Variants in CNTNAP2 observed in about 807,000 individuals in gnomAD.
The protein encoded by CNTNAP2 is contactin associated protein 2.
A neutral mutation model predicts 155.2 loss-of-function variants in CNTNAP2; 98 were observed. The ratio of observed to expected loss-of-function variants is 0.63; its 90% CI spans 0.54 to 0.75. The LOEUF (loss-of-function observed/expected upper bound fraction) is 0.75, where lower values mean the gene tolerates loss of function less well. CNTNAP2 is among the 30% of genes least tolerant of loss of function. CNTNAP2 has a pLI of 0.00. For synonymous variants in CNTNAP2, 651 were observed against 631.2 expected, an observed-to-expected ratio of 1.03 and a Z score of -0.47; for missense variants, 1,727 against 1,688.1, an observed-to-expected ratio of 1.02 and a Z score of -0.40.
intron 8 of CNTNAP2, among the ~76,000 whole-genome samples, chr7:147,243,519 T>G (rs1325625965): frequency 2.0e-5 from 3 of 152,244 alleles, no homozygotes; most frequent in African/African-American, 7.2e-5. Context: ...TCACACAGCT[T>G]TTTATAATTA....
chr7:147,980,700 G>A (rs1160102349), intron 15 of CNTNAP2, among the ~76,000 whole-genome samples: 4 of 151,614 alleles, frequency 2.6e-5, no homozygotes, highest in South Asian at 2.1e-4. Flanking sequence ...CGAGGCGGGC[G>A]GATCACGAGG....
intron 3 of CNTNAP2, among the ~76,000 whole-genome samples, chr7:147,023,543 C>T (rs62483988): frequency 0.48 from 72,619 of 151,898 alleles, 17,743 homozygotes; most frequent in South Asian, 0.57. Context: ...ACCACAAGGA[C>T]CTCTCCTGTT....
intron 12 of CNTNAP2, among the ~76,000 whole-genome samples, chr7:147,575,771 AGT>A (rs1016460019): frequency 5.4e-4 from 82 of 152,108 alleles, no homozygotes; most frequent in Middle Eastern, 3.4e-3. Flanking sequence ...TTGGTTAAGG[AGT>A]GTCATAATTC....
intron 11 of CNTNAP2, among the ~76,000 whole-genome samples, chr7:147,512,755 G>T (rs1799044201): frequency 6.6e-6 from 1 of 152,054 alleles, no homozygotes; most frequent in South Asian, 2.1e-4. Context: ...TCCATTTTTA[G>T]AATTGTATAG....
intron 1 of CNTNAP2, among the ~76,000 whole-genome samples, chr7:146,200,137 G>A (rs887164325): frequency 6.6e-6 from 1 of 152,128 alleles, no homozygotes; most frequent in Non-Finnish European, 1.5e-5. Context: ...TATAGGTAGA[G>A]CCAGGTGCTT....
chr7:146,143,344 G>A (rs1306604849), intron 1 of CNTNAP2, among the ~76,000 whole-genome samples: 2 of 152,118 alleles, frequency 1.3e-5, no homozygotes, highest in East Asian at 3.8e-4. Flanking sequence ...ATTGGACTTT[G>A]TTAATGATAT....
chr7:146,419,520 TC>T (rs1217804468), intron 1 of CNTNAP2, among the ~76,000 whole-genome samples: 3 of 152,138 alleles, frequency 2.0e-5, no homozygotes, highest in Non-Finnish European at 4.4e-5. Flanking sequence ...CCATTTTAAT[TC>T]CAATTATTAT....
At chr7:146,695,081 C>G (rs1488415801) in intron 1 of CNTNAP2, among the ~76,000 whole-genome samples, 1 of 152,078 alleles carries the variant, frequency 6.6e-6, no homozygotes, top group Non-Finnish European at 1.5e-5. Flanking sequence ...AATTGATTTC[C>G]TTTTCTAATT....
intron 13 of CNTNAP2, among the ~76,000 whole-genome samples, chr7:147,682,549 C>T (rs1462547745): frequency 6.6e-6 from 1 of 151,854 alleles, no homozygotes; most frequent in African/African-American, 2.4e-5. Flanking sequence ...TATAAGCTAT[C>T]AGCCACACCA....
At chr7:146,123,222 C>T (rs58210384) in intron 1 of CNTNAP2, among the ~76,000 whole-genome samples, 1 of 152,112 alleles carries the variant, frequency 6.6e-6, no homozygotes, top group African/African-American at 2.4e-5. Flanking sequence ...CTGTATTTAC[C>T]TTGTGATTTA....
chr7:147,608,928 C>T (rs1051355005), intron 12 of CNTNAP2, among the ~76,000 whole-genome samples: 2 of 151,928 alleles, frequency 1.3e-5, no homozygotes, highest in East Asian at 1.9e-4. Context: ...GGTGCTCAGT[C>T]GGGGAGCTTC....
At chr7:147,440,200 G>A (rs1797614187) in intron 10 of CNTNAP2, among the ~76,000 whole-genome samples, 1 of 151,534 alleles carries the variant, frequency 6.6e-6, no homozygotes, top group South Asian at 2.1e-4. Flanking sequence ...ATATAATTTA[G>A]TTTCTTGTTT....
At chr7:147,558,821 C>T (rs966524075) in intron 11 of CNTNAP2, among the ~76,000 whole-genome samples, 1 of 152,026 alleles carries the variant, frequency 6.6e-6, no homozygotes, top group African/African-American at 2.4e-5. Flanking sequence ...TATCTCACTG[C>T]ATCCTTCGCC....
At chr7:147,081,172 A>G (rs1043835410) in intron 4 of CNTNAP2, 2 of 152,148 alleles carry the variant, frequency 1.3e-5, no homozygotes, top group African/African-American at 4.8e-5. Flanking sequence ...GCTCCTTAGT[A>G]TCGGATTGTT....
At chr7:147,464,569 C>T (rs1206123135) in intron 10 of CNTNAP2, among the ~76,000 whole-genome samples, 1 of 151,516 alleles carries the variant, frequency 6.6e-6, no homozygotes, top group African/African-American at 2.4e-5. Context: ...CATGGAATTG[C>T]CACAATTTTT....
chr7:146,365,803 A>G (rs1795147152), intron 1 of CNTNAP2, among the ~76,000 whole-genome samples: 1 of 152,194 alleles, frequency 6.6e-6, no homozygotes, highest in South Asian at 2.1e-4. Context: ...AGATATGAAA[A>G]CATGTCTATT....
chr7:147,969,862 T>TAGGAA (rs1402483350), intron 14 of CNTNAP2, among the ~76,000 whole-genome samples: 2 of 152,162 alleles, frequency 1.3e-5, no homozygotes, highest in African/African-American at 4.8e-5. Flanking sequence ...AAAGTCTGTC[T>TAGGAA]ATTTTTTTAA....
chr7:147,413,181 C>T (rs1236710038), intron 10 of CNTNAP2, among the ~76,000 whole-genome samples: 1 of 152,200 alleles, frequency 6.6e-6, no homozygotes, highest in Admixed American at 6.5e-5. Flanking sequence ...ATGCTCTACA[C>T]CCTTCTACTT....
intron 6 of CNTNAP2, among the ~76,000 whole-genome samples, chr7:147,126,669 C>T (rs1801245632): frequency 2.0e-5 from 3 of 152,122 alleles, no homozygotes; most frequent in Admixed American, 1.3e-4. Context: ...GATGGGGTTT[C>T]TCCATGTTGA....
Sources: allele counts gnomAD v4.1 joint callset (sites outside exome capture counted in the v4.1 genomes callset), GRCh38; gene constraint gnomAD v4.1.1; transcripts MANE v1.5; gene names NCBI Gene and HGNC (gene_info 2026-07-23, HGNC 2026-07-21).